NDUFS4: variants seen among roughly 807,000 people sequenced by gnomAD.
NDUFS4 encodes the protein NADH:ubiquinone oxidoreductase subunit S4, also known as NADH dehydrogenase [ubiquinone] iron-sulfur protein 4, mitochondrial.
A neutral mutation model predicts 24.3 loss-of-function variants in NDUFS4; 28 were observed. The observed-to-expected ratio is 1.15, with a 90% CI of 0.85 to 1.58. The LOEUF is 1.58. NDUFS4 is among the 40% of genes most tolerant of loss of function. The pLI, the probability that NDUFS4 is intolerant of heterozygous loss-of-function variation, is 0.00. For missense variants in NDUFS4, 223 were observed against 207.9 expected (o/e 1.07, Z -0.45); for synonymous variants, 93 against 69.7 (o/e 1.34, Z -1.67).
intron 4 of NDUFS4, among the ~76,000 whole-genome samples, chr5:53,675,045 T>C (rs1740412106): frequency 6.6e-6 from 1 of 152,074 alleles, no homozygotes; most frequent in African/African-American, 2.4e-5. Flanking sequence ...CTTAAAATAA[T>C]TTCTAGCACA....
chr5:53,577,666 G>A (rs1033662898), intron 1 of NDUFS4, among the ~76,000 whole-genome samples: 7 of 152,104 alleles, frequency 4.6e-5, no homozygotes, highest in Admixed American at 2.0e-4. Flanking sequence ...GAATTCACCC[G>A]TATTGGAATT....
intron 1 of NDUFS4, among the ~76,000 whole-genome samples, chr5:53,581,448 A>G (rs938750881): frequency 7.2e-5 from 11 of 152,080 alleles, no homozygotes; most frequent in African/African-American, 2.4e-4. Context: ...TTGGGCATTC[A>G]TACTTTCATC....
chr5:53,621,826 C>T (rs948043920), intron 2 of NDUFS4, among the ~76,000 whole-genome samples: 10 of 150,900 alleles, frequency 6.6e-5, no homozygotes, highest in African/African-American at 1.2e-4. Context: ...CTCAGCCTCC[C>T]GTGTAGCTGG....
At chr5:53,585,945 A>G (rs760953712) in intron 1 of NDUFS4, among the ~76,000 whole-genome samples, 13 of 152,164 alleles carry the variant, frequency 8.5e-5, no homozygotes, top group Non-Finnish European at 1.3e-4. Context: ...CAAGTACATT[A>G]AATTTGTAGA....
At position 53,595,002 on chromosome 5, in the gene NDUFS4, G is replaced by C. The variant is rs531868763; in HGVS notation, c.99-8450G>C. ...TGCTTCCATGAAAGGATGGCCAGTT[G>C]TCTCAATATTATTTATTGAATAGCC... On this transcript the variant is annotated intron_variant, in intron 1 of 4. Coordinates refer to ENST00000296684, the MANE Select transcript of NDUFS4 (RefSeq NM_002495.4). Among the ~76,000 whole-genome samples, 6 of 152,064 alleles carry C rather than the reference G, an allele frequency of 3.9e-5. No homozygotes were observed. The South Asian group carries it at 1.2e-3, about 32-fold the overall frequency.
chr5:53,651,045 G>A (rs1206084455), intron 3 of NDUFS4, among the ~76,000 whole-genome samples: 1 of 152,132 alleles, frequency 6.6e-6, no homozygotes, highest in African/African-American at 2.4e-5. Context: ...TTTTGCCGAA[G>A]TAAAAAGTTT....
chr5:53,609,713 T>C (rs1469647707), intron 2 of NDUFS4, among the ~76,000 whole-genome samples: 5 of 152,186 alleles, frequency 3.3e-5, no homozygotes, highest in Admixed American at 1.3e-4. Flanking sequence ...ATAGCCACCT[T>C]TATCAGTTAT....
rs1267666072 is a variant in NDUFS4, at chr5:53,569,626, A to G, written c.98+8866A>G. ...TTCTGATAACCCCAGAAAACACACT[A>G]TACGTTTAGACTTACTGGTAAGTGA... On this transcript the variant is annotated intron_variant, in intron 1 of 4. Transcript: ENST00000296684. Among the ~76,000 whole-genome samples the G allele has an allele frequency of 2.6e-5, 4 of 152,142 alleles. No individual in the cohort carries two copies. The East Asian group carries it at 5.8e-4, about 22-fold the overall frequency.
At chr5:53,675,818 A>G (rs1740449946) in intron 4 of NDUFS4, among the ~76,000 whole-genome samples, 1 of 152,230 alleles carries the variant, frequency 6.6e-6, no homozygotes, top group African/African-American at 2.4e-5. Context: ...CCAGATTAGT[A>G]GAGAGCAAAA....
At chr5:53,569,284 T>G (rs1579817742) in intron 1 of NDUFS4, among the ~76,000 whole-genome samples, 1 of 152,286 alleles carries the variant, frequency 6.6e-6, no homozygotes, top group Admixed American at 6.5e-5. Context: ...CAAATGAGAT[T>G]TGGGGAATAA....
At chr5:53,666,478 TGACATAAA>T (rs1752517565) in intron 4 of NDUFS4, among the ~76,000 whole-genome samples, 1 of 152,206 alleles carries the variant, frequency 6.6e-6, no homozygotes, top group South Asian at 2.1e-4. Flanking sequence ...TTGTGGTTAG[TGACATAAA>T]GTTGTAGGCT....
chr5:53,662,337 A>T (rs1343395320), intron 4 of NDUFS4, among the ~76,000 whole-genome samples: 12 of 152,170 alleles, frequency 7.9e-5, no homozygotes, highest in Admixed American at 7.9e-4. Context: ...CATCCCAGGG[A>T]TGAAGCCCAC....
chr5:53,606,515 C>T (rs991986434), intron 2 of NDUFS4, among the ~76,000 whole-genome samples: 76 of 152,148 alleles, frequency 5.0e-4, no homozygotes, highest in Admixed American at 1.3e-3. Flanking sequence ...TACAGGTGCC[C>T]GCCACCACGC....
At chr5:53,607,908 T>G (rs1414259635) in intron 2 of NDUFS4, among the ~76,000 whole-genome samples, 1 of 152,222 alleles carries the variant, frequency 6.6e-6, no homozygotes, top group Non-Finnish European at 1.5e-5. Context: ...TTCTCACTTT[T>G]CAGTTTTCAA....
rs1259831578 is a variant in NDUFS4 at position 53,582,336 on chromosome 5, G to T, written c.99-21116G>T. Among the ~76,000 whole-genome samples the T allele has an allele frequency of 3.9e-5, 6 of 151,996 alleles. No individual in the cohort carries two copies. In the East Asian group the frequency reaches 1.2e-3, roughly 29 times the overall value. On this transcript the variant is annotated intron_variant, in intron 1 of 4. Coordinates refer to ENST00000296684, the MANE Select transcript of NDUFS4 (RefSeq NM_002495.4). ...ACTTATCCATTTATTTCAGTTCAGGGTCAAGAGTGGCCAGAGCCAGCCCTG... is the reference window on the plus strand; with the variant it reads ...ACTTATCCATTTATTTCAGTTCAGGTTCAAGAGTGGCCAGAGCCAGCCCTG...
At chr5:53,602,496 A>T (rs935911767) in intron 1 of NDUFS4, among the ~76,000 whole-genome samples, 2 of 152,326 alleles carry the variant, frequency 1.3e-5, no homozygotes, top group East Asian at 3.9e-4. Flanking sequence ...AAGGTTTTCT[A>T]TATGGCTGTG....
intron 1 of NDUFS4, among the ~76,000 whole-genome samples, chr5:53,586,609 G>A (rs759598644): frequency 1.3e-5 from 2 of 151,962 alleles, no homozygotes; most frequent in African/African-American, 4.8e-5. Flanking sequence ...TGCAAGCTCC[G>A]CCTCCCAGGT....
intron 2 of NDUFS4, among the ~76,000 whole-genome samples, chr5:53,616,154 TA>T (rs1223561059): frequency 6.6e-6 from 1 of 152,130 alleles, no homozygotes; most frequent in Non-Finnish European, 1.5e-5. Context: ...TCATTCAAGA[TA>T]TTTTTTTACT....
Position 53,581,936 on chromosome 5 carries a change from G to C in NDUFS4, c.98+21176G>C, listed in dbSNP as rs188676654. ...TAAAATAAATGTGAGCTAGGGCTGG[G>C]CGTGGTGGCTCACGCCTGTAATCCC... On this transcript the variant is annotated intron_variant, in intron 1 of 4. Coordinates refer to ENST00000296684, the MANE Select transcript of NDUFS4 (RefSeq NM_002495.4). Among the ~76,000 whole-genome samples, 659 of 152,332 alleles carry C rather than the reference G, an allele frequency of 4.3e-3. 5 individuals carry two copies. Among genetic ancestry groups the C allele is most frequent in the African/African-American group, 0.015 (614 of 41,574 alleles).
Sources: allele counts gnomAD v4.1 joint callset (sites outside exome capture counted in the v4.1 genomes callset), GRCh38; gene constraint gnomAD v4.1.1; transcripts MANE v1.5; gene names NCBI Gene and HGNC (gene_info 2026-07-23, HGNC 2026-07-21).